The following SIN3B variants were observed in gnomAD, a reference collection of about 807,000 sequenced individuals.
The protein encoded by SIN3B is SIN3 transcription regulator family member B.
SIN3B carries 19 observed loss-of-function variants against 120.2 expected under a neutral mutation model. The ratio of observed to expected loss-of-function variants is 0.16; its 90% CI spans 0.11 to 0.23. SIN3B has a LOEUF of 0.23. SIN3B is among the 10% of genes least tolerant of loss of function. The pLI, the probability that SIN3B is intolerant of heterozygous loss-of-function variation, is 1.00. For synonymous variants in SIN3B, 654 were observed against 653.2 expected (o/e 1.00, Z -0.02); for missense variants, 1,073 against 1,573.0 (o/e 0.68, Z 5.38).
At chr19:16,854,055 C>A in intron 7 of SIN3B, 88 bp from the exon 8 acceptor site, 1 of 888,494 alleles carries the variant, frequency 1.1e-6, no homozygotes, top group South Asian at 1.6e-5. Flanking sequence ...TCCCATATCG[C>A]ACACCCATGT....
chr19:16,873,085 C>T (rs2051533687), intron 14 of SIN3B, among the ~76,000 whole-genome samples: 1 of 151,966 alleles, frequency 6.6e-6, no homozygotes, highest in Non-Finnish European at 1.5e-5. Flanking sequence ...TGTGTCCTCC[C>T]TGGGGCTCAG....
At chr19:16,839,503 A>G (rs1247519117) in intron 3 of SIN3B, among the ~76,000 whole-genome samples, 1 of 152,126 alleles carries the variant, frequency 6.6e-6, no homozygotes. Flanking sequence ...CAGAGGGTGC[A>G]TGCGGAGCTT....
intron 14 of SIN3B, among the ~76,000 whole-genome samples, chr19:16,871,836 T>C (rs1227600774): frequency 6.6e-6 from 1 of 152,196 alleles, no homozygotes; most frequent in Non-Finnish European, 1.5e-5. Context: ...GTGGCTGCCT[T>C]ATAGAGATTG....
At chr19:16,856,251 G>T (rs925036432) in intron 8 of SIN3B, among the ~76,000 whole-genome samples, 3 of 152,106 alleles carry the variant, frequency 2.0e-5, no homozygotes, top group Admixed American at 1.3e-4. Flanking sequence ...TGCGCGGTAG[G>T]AGTAGGCGGG....
chr19:16,838,604 C>G (rs1971377207), intron 3 of SIN3B, among the ~76,000 whole-genome samples: 1 of 152,164 alleles, frequency 6.6e-6, no homozygotes, highest in South Asian at 2.1e-4. Flanking sequence ...CCTGTTTCCA[C>G]CTTTTGGCTG....
chr19:16,833,835 T>C (rs908837400), intron 3 of SIN3B, among the ~76,000 whole-genome samples: 1 of 151,658 alleles, frequency 6.6e-6, no homozygotes, highest in African/African-American at 2.4e-5. Context: ...GAGATTCTCC[T>C]GCCTCAGCGT....
At chr19:16,866,313 G>T in intron 11 of SIN3B, 60 bp from the exon 12 acceptor site, 2 of 1,520,030 alleles carry the variant, frequency 1.3e-6, no homozygotes. Flanking sequence ...GCCAGCCCTG[G>T]GATGCTTCAG....
At chr19:16,835,175 C>T (rs1370841911) in intron 3 of SIN3B, among the ~76,000 whole-genome samples, 1 of 151,886 alleles carries the variant, frequency 6.6e-6, no homozygotes, top group Non-Finnish European at 1.5e-5. Context: ...ATCTGCCTGC[C>T]TCGGCCTCCC....
At chr19:16,858,909 C>T (rs1425412312) in intron 8 of SIN3B, among the ~76,000 whole-genome samples, 1 of 152,056 alleles carries the variant, frequency 6.6e-6, no homozygotes. Flanking sequence ...AAGATTGTAC[C>T]ACTGCACTCT....
chr19:16,852,455 C>T (rs1215215996), intron 6 of SIN3B, among the ~76,000 whole-genome samples: 1 of 152,206 alleles, frequency 6.6e-6, no homozygotes, highest in Non-Finnish European at 1.5e-5. Flanking sequence ...TCGTGTTGCC[C>T]AGGCTGGTCT....
chr19:16,850,946 G>C (rs1318124321), intron 5 of SIN3B, among the ~76,000 whole-genome samples: 1 of 138,170 alleles, frequency 7.2e-6, no homozygotes, highest in Non-Finnish European at 1.6e-5. Context: ...GTCATTCATA[G>C]AAAAGACTTC....
Position 16,844,703 on chromosome 19 carries a change from A to C in SIN3B, c.583-2267A>C, listed in dbSNP as rs1971458600. 2.6e-5 allele frequency among the ~76,000 whole-genome samples: 4 copies of C among 152,358 alleles called. No homozygotes were observed. The South Asian group carries it at 8.3e-4, about 32-fold the overall frequency. The stretch of plus-strand genomic sequence containing the variant: ...CAGGGACACCTAGAAAAAGATAGGC[A>C]CCGACTCTAAACAGCAGCGCCGTTA... On this transcript the variant is annotated intron_variant, in intron 4 of 18. Transcript: ENST00000248054.
chr19:16,861,152 A>G (rs1403228381), intron 8 of SIN3B, among the ~76,000 whole-genome samples: 1 of 152,166 alleles, frequency 6.6e-6, no homozygotes, highest in Non-Finnish European at 1.5e-5. Context: ...GCTTGTGTCC[A>G]GAGAGGGGTT....
chr19:16,876,232 AGAG>A lies in SIN3B; in HGVS notation c.2766+9_2766+11del. 2 of 1,606,544 alleles carry A rather than the reference AGAG, an allele frequency of 1.2e-6. No homozygotes were observed. The highest frequency in any genetic ancestry group is 4.5e-5 in the East Asian group (2 of 44,686). ...GGCCGACGAGAACTGCTTCAAGGTGAGAGGAGGCCTGGGGCTGGGAACACGCCG... is the reference window on the plus strand; with the variant it reads ...GGCCGACGAGAACTGCTTCAAGGTGAGAGGCCTGGGGCTGGGAACACGCCG... On this transcript the variant is annotated splice_donor_5th_base_variant and intron_variant, in intron 15 of 18. Coordinates refer to ENST00000248054, the MANE Select transcript of SIN3B (RefSeq NM_001297595.2). The surrounding 1 kb of genome is among the most constrained non-coding windows in gnomAD (Gnocchi z 7.1).
chr19:16,830,897 C>T (rs977414205), intron 2 of SIN3B, among the ~76,000 whole-genome samples: 2 of 152,162 alleles, frequency 1.3e-5, no homozygotes, highest in Non-Finnish European at 2.9e-5. Flanking sequence ...CCAGGCCTTG[C>T]GGTTGGCTCT....
chr19:16,863,489 C>T (rs777686206), intron 9 of SIN3B, 191 bp from the exon 10 acceptor site: 46 of 586,560 alleles, frequency 7.8e-5, no homozygotes, highest in South Asian at 8.4e-5. Flanking sequence ...TCCCAGGATA[C>T]CAAGGGAGTG....
intron 4 of SIN3B, among the ~76,000 whole-genome samples, chr19:16,843,046 C>T (rs1461751625): frequency 6.6e-6 from 1 of 152,202 alleles, no homozygotes; most frequent in Admixed American, 6.5e-5. Flanking sequence ...ACGTCCTCTT[C>T]ACCCAGACGT....
At chr19:16,865,698 T>TCCCCC (rs1251142535) in intron 11 of SIN3B, 50 bp downstream of exon 11, 1 of 711,848 alleles carries the variant, frequency 1.4e-6, no homozygotes, top group Non-Finnish European at 2.0e-6. Flanking sequence ...CCCCCTTCCC[T>TCCCCC]CCCCTCCCCT....
intron 8 of SIN3B, among the ~76,000 whole-genome samples, chr19:16,857,698 G>A (rs1434405361): frequency 6.6e-6 from 1 of 152,030 alleles, no homozygotes; most frequent in Non-Finnish European, 1.5e-5. Flanking sequence ...GAGCACCCCC[G>A]CATACCATTC....
Sources: gnomAD v4.1 joint callset for allele counts (sites outside exome capture counted in the v4.1 genomes callset) on GRCh38, gnomAD v4.1.1 for gene constraint, Gnocchi (gnomAD v3.1) non-coding constraint, MANE v1.5 for transcripts, NCBI Gene and HGNC (gene_info 2026-07-23, HGNC 2026-07-21) for gene names.